STK17B: variants seen among roughly 807,000 people sequenced by gnomAD.
STK17B encodes the protein serine/threonine-protein kinase 17B.
STK17B carries 21 observed loss-of-function variants against 42.0 expected under a neutral mutation model. The ratio of observed to expected loss-of-function variants is 0.50; its 90% CI spans 0.35 to 0.72. The LOEUF is 0.72. STK17B is among the 30% of genes least tolerant of loss of function. The pLI, the probability that STK17B is intolerant of heterozygous loss-of-function variation, is 0.00. For missense variants in STK17B, 349 were observed against 446.0 expected (o/e 0.78, Z 1.96); for synonymous variants, 143 against 148.4 (o/e 0.96, Z 0.26).
rs1274206603 is a variant in STK17B, at chr2:196,143,677, T to C, written c.490A>G (p.Ile164Val). 8 of 1,531,392 alleles carry C rather than the reference T, an allele frequency of 5.2e-6. No homozygotes were observed. In the Admixed American group the frequency reaches 1.1e-4, roughly 21 times the overall value. The allele number at this position is 1,531,392 out of a possible 1,614,324, so 94.9% of individuals were successfully genotyped here. ...IVHLDLKPQNILLSSIYPLGD... is the reference protein window; with the variant it reads ...IVHLDLKPQNVLLSSIYPLGD... ...AGAGGGTATATGCTGCTCAGTAATATATTCTGTGGCTAAACAAAGTACAAC... is the reference window on the plus strand; with the variant it reads ...AGAGGGTATATGCTGCTCAGTAATACATTCTGTGGCTAAACAAAGTACAAC... Residue 164 changes from isoleucine to valine, a missense_variant, in exon 5 of 8, where the codon ATA becomes GTA. By Grantham distance (29) the Ile-to-Val change is conservative (BLOSUM62 3). This residue lies in a region of STK17B where 256 missense variants were observed against 347.7 expected (regional missense o/e 0.74). Transcript: ENST00000263955.
intron 3 of STK17B, among the ~76,000 whole-genome samples, chr2:196,155,446 G>A (rs894418692): frequency 6.6e-6 from 1 of 151,882 alleles, no homozygotes; most frequent in Non-Finnish European, 1.5e-5. Flanking sequence ...CTATTTCGTG[G>A]AACAAAAACA....
chr2:196,169,025 G>A (rs1299481786), intron 1 of STK17B, among the ~76,000 whole-genome samples: 1 of 149,776 alleles, frequency 6.7e-6, no homozygotes, highest in Admixed American at 6.6e-5. Context: ...ATGAAAAGAA[G>A]AATCAATCAG....
chr2:196,150,828 GA>G (rs776811807), intron 3 of STK17B, among the ~76,000 whole-genome samples: 2 of 152,164 alleles, frequency 1.3e-5, no homozygotes, highest in African/African-American at 2.4e-5. Flanking sequence ...TTTTAGAATG[GA>G]AAGACATTAG....
chr2:196,140,577 CTTTTTTT>C (rs58205758), intron 6 of STK17B, among the ~76,000 whole-genome samples: 4 of 101,472 alleles, frequency 3.9e-5, no homozygotes, highest in African/African-American at 1.1e-4. Context: ...CTTCTTCTAG[CTTTTTTT>C]TTTTTTTTTT....
At chr2:196,160,863 CT>C (rs1487078730) in intron 2 of STK17B, among the ~76,000 whole-genome samples, 1 of 152,142 alleles carries the variant, frequency 6.6e-6, no homozygotes, top group Non-Finnish European at 1.5e-5. Flanking sequence ...CCTAATTCAA[CT>C]TTATTTATGG....
intron 3 of STK17B, among the ~76,000 whole-genome samples, chr2:196,155,682 T>A (rs1169197720): frequency 6.6e-6 from 1 of 152,204 alleles, no homozygotes; most frequent in Non-Finnish European, 1.5e-5. Flanking sequence ...CTCTTCCAGT[T>A]GTTGCAGATG....
At chr2:196,151,703 G>T (rs1209378194) in intron 3 of STK17B, among the ~76,000 whole-genome samples, 1 of 152,004 alleles carries the variant, frequency 6.6e-6, no homozygotes, top group Non-Finnish European at 1.5e-5. Context: ...ACTTGGTATG[G>T]AAAAGTCTTT....
intron 1 of STK17B, among the ~76,000 whole-genome samples, chr2:196,164,932 G>T (rs1699858591): frequency 1.3e-5 from 2 of 152,080 alleles, no homozygotes; most frequent in African/African-American, 2.4e-5. Flanking sequence ...GGAGTCAAAG[G>T]GTTGTAGTGT....
chr2:196,147,800 C>T (rs1189891695), intron 3 of STK17B, among the ~76,000 whole-genome samples: 2 of 149,798 alleles, frequency 1.3e-5, no homozygotes, highest in East Asian at 2.0e-4. Context: ...GGCGCCATCT[C>T]GGCTCACTGC....
At chr2:196,164,916 T>C (rs1699858387) in intron 1 of STK17B, among the ~76,000 whole-genome samples, 1 of 152,202 alleles carries the variant, frequency 6.6e-6, no homozygotes, top group Non-Finnish European at 1.5e-5. Context: ...TTGGGGTACA[T>C]CTCTAGGAGT....
Position 196,137,256 on chromosome 2 carries a change from G to C in STK17B, c.*191C>G. On this transcript the variant is annotated 3_prime_UTR_variant, in exon 8 of 8. Transcript: ENST00000263955. ...ATATTTAAATATTTTCTTATCTGCA[G>C]AGCTATCTCAGGATATGAAATCATA... 1.8e-6 allele frequency: 1 copy of C among 542,190 alleles called. No individual in the cohort carries two copies. The highest frequency in any genetic ancestry group is 3.1e-5 in the East Asian group (1 of 32,168). The allele number at this position is 542,190 out of a possible 1,614,324, so 33.6% of individuals were successfully genotyped here.
chr2:196,141,556 G>A (rs1182886793), intron 5 of STK17B, among the ~76,000 whole-genome samples: 1 of 152,174 alleles, frequency 6.6e-6, no homozygotes, highest in Non-Finnish European at 1.5e-5. Flanking sequence ...CTACTCAGGA[G>A]GCTGAGGCAG....
chr2:196,147,702 C>G (rs1019095975), intron 3 of STK17B, among the ~76,000 whole-genome samples: 1 of 151,844 alleles, frequency 6.6e-6, no homozygotes, highest in Non-Finnish European at 1.5e-5. Context: ...ATTACACTCA[C>G]CAAAACTTGC....
chr2:196,157,578 CA>C (rs1318714000), intron 2 of STK17B, among the ~76,000 whole-genome samples: 1 of 152,142 alleles, frequency 6.6e-6, no homozygotes, highest in Non-Finnish European at 1.5e-5. Context: ...AAGCCTGTAA[CA>C]GATAACTAAG....
At chr2:196,140,627 T>C (rs1027537636) in intron 6 of STK17B, among the ~76,000 whole-genome samples, 6 of 143,376 alleles carry the variant, frequency 4.2e-5, no homozygotes, top group Middle Eastern at 3.7e-3. Context: ...TGCAATAGCA[T>C]GATCTTGGCT....
At chr2:196,138,116 T>C (rs1699433978) in intron 7 of STK17B, among the ~76,000 whole-genome samples, 1 of 152,198 alleles carries the variant, frequency 6.6e-6, no homozygotes, top group African/African-American at 2.4e-5. Context: ...CTTTTAAGCA[T>C]TACACCATAT....
intron 3 of STK17B, among the ~76,000 whole-genome samples, chr2:196,151,798 G>C (rs1173536636): frequency 6.6e-6 from 1 of 151,988 alleles, no homozygotes; most frequent in African/African-American, 2.4e-5. Context: ...CTACCTTCCA[G>C]AAAAGTAAGA....
chr2:196,163,507 C>G, intron 1 of STK17B, 80 bp from the exon 2 acceptor site: 3 of 1,060,252 alleles, frequency 2.8e-6, no homozygotes, highest in Non-Finnish European at 3.8e-6. Flanking sequence ...CCAAATATAG[C>G]TATAAAATAC....
At chr2:196,148,803 T>C (rs1294835812) in intron 3 of STK17B, among the ~76,000 whole-genome samples, 1 of 152,168 alleles carries the variant, frequency 6.6e-6, no homozygotes, top group Non-Finnish European at 1.5e-5. Context: ...ACTCCACCAA[T>C]TCTAAAATTA....
Sources: allele counts gnomAD v4.1 joint callset (sites outside exome capture counted in the v4.1 genomes callset), GRCh38; gene constraint gnomAD v4.1.1; regional missense constraint gnomAD v4.1.1; transcripts MANE v1.5; gene names NCBI Gene and HGNC (gene_info 2026-07-23, HGNC 2026-07-21).